ALG5: variants seen among roughly 807,000 people sequenced by gnomAD.
ALG5 encodes ALG5 dolichyl-phosphate beta-glucosyltransferase, also known as dolichyl-phosphate beta-glucosyltransferase.
In ALG5, 26 loss-of-function variants were observed where a neutral mutation model predicts 51.8. The observed-to-expected ratio is 0.50, with a 90% confidence interval of 0.37 to 0.70. The LOEUF (loss-of-function observed/expected upper bound fraction) is 0.70, where lower values mean the gene tolerates loss of function less well. Ranked by LOEUF, ALG5 falls within the 30% of genes least tolerant of loss-of-function variation. The probability of loss-of-function intolerance (pLI) is 0.00; values close to 1 mark genes in which losing one functional copy is unlikely to be tolerated. For synonymous variants in ALG5, 141 were observed against 136.1 expected (o/e 1.04, Z -0.25); for missense variants, 311 against 399.3 (o/e 0.78, Z 1.88).
chr13:36,952,841 G>C (rs1407449456), intron 8 of ALG5: 1 of 269,058 alleles, frequency 3.7e-6, no homozygotes, highest in Non-Finnish European at 6.9e-6. Context: ...GAAACTCACA[G>C]AGGTAAAACT....
At chr13:36,966,666 T>C (rs771008211) in intron 7 of ALG5, among the ~76,000 whole-genome samples, 2 of 152,170 alleles carry the variant, frequency 1.3e-5, no homozygotes, top group Non-Finnish European at 2.9e-5. Flanking sequence ...TGTGCCACTA[T>C]ACCCAGCTTC....
chr13:36,978,483 G>A lies in ALG5; in HGVS notation c.562-6447C>T, dbSNP rs114617421. ...ATTACAGGCGTGAGCCACTGTGCCCGGTCCTCAGTACTTTTTAAGTTAAAT... is the reference window on the plus strand; with the variant it reads ...ATTACAGGCGTGAGCCACTGTGCCCAGTCCTCAGTACTTTTTAAGTTAAAT... On this transcript the variant is annotated intron_variant, in intron 6 of 9. Transcript: ENST00000239891. Among the ~76,000 whole-genome samples the A allele has an allele frequency of 4.3e-3, 655 of 151,970 alleles. 2 individuals carry two copies. Among genetic ancestry groups the A allele is most frequent in the African/African-American group, 0.015 (631 of 41,470 alleles).
intron 8 of ALG5, among the ~76,000 whole-genome samples, chr13:36,958,257 T>G (rs961020988): frequency 7.9e-5 from 12 of 152,134 alleles, no homozygotes; most frequent in African/African-American, 2.7e-4. Flanking sequence ...CTATGGAGAA[T>G]GTGGCTTCCT....
chr13:36,989,652 G>A (rs930008763), intron 4 of ALG5, 76 bp from the exon 5 acceptor site: 5 of 1,193,482 alleles, frequency 4.2e-6, no homozygotes, highest in Non-Finnish European at 6.1e-6. Flanking sequence ...TTCTTGCTTT[G>A]GCTCAAACAC....
At chr13:36,952,800 T>G (rs923080523) in intron 8 of ALG5, 10 of 390,626 alleles carry the variant, frequency 2.6e-5, no homozygotes, top group Non-Finnish European at 4.0e-5. Flanking sequence ...TAGAATATCA[T>G]TGCATAATAT....
intron 1 of ALG5, among the ~76,000 whole-genome samples, chr13:36,995,841 C>T (rs541832010): frequency 5.6e-4 from 85 of 152,116 alleles, no homozygotes; most frequent in Non-Finnish European, 7.6e-4. Context: ...TCTGTCTCTT[C>T]CCAGTCATCA....
chr13:36,994,192 C>T (rs2059038557), intron 3 of ALG5, among the ~76,000 whole-genome samples: 1 of 152,166 alleles, frequency 6.6e-6, no homozygotes, highest in African/African-American at 2.4e-5. Flanking sequence ...ATATTAAAGG[C>T]TCAATTCCTT....
intron 8 of ALG5, among the ~76,000 whole-genome samples, chr13:36,963,246 T>C (rs534393604): frequency 2.6e-5 from 4 of 152,234 alleles, no homozygotes; most frequent in Non-Finnish European, 4.4e-5. Context: ...GCCATCTTTT[T>C]ACTTTTTAAA....
rs778228464 is a variant in ALG5 at position 36,999,251 on chromosome 13, G to GCCGCCAGCGCCGCGCCGAGCA, written c.29_49dup (p.Val10_Ala16dup). 6.3e-7 allele frequency: 1 copy of GCCGCCAGCGCCGCGCCGAGCA among 1,580,112 alleles called. No homozygotes were observed. The highest frequency in any genetic ancestry group is 8.6e-7 in the Non-Finnish European group (1 of 1,166,166). Reference sequence around the variant, plus strand: ...TGTTCTCACCAGTACGAGGGCTGCGGCCGCCAGCGCCGCGCCGAGCACCGC... The same window carrying GCCGCCAGCGCCGCGCCGAGCA: ...TGTTCTCACCAGTACGAGGGCTGCGGCCGCCAGCGCCGCGCCGAGCACCGCCAGCGCCGCGCCGAGCACCGC... On this transcript the variant is annotated inframe_insertion, in exon 1 of 10. Transcript: ENST00000239891.
At chr13:36,976,767 T>A (rs1277886923) in intron 6 of ALG5, among the ~76,000 whole-genome samples, 1 of 151,832 alleles carries the variant, frequency 6.6e-6, no homozygotes, top group African/African-American at 2.4e-5. Flanking sequence ...AAAAATTGTG[T>A]TATATACTTT....
At chr13:36,958,611 T>C (rs1390276697) in intron 8 of ALG5, among the ~76,000 whole-genome samples, 1 of 152,056 alleles carries the variant, frequency 6.6e-6, no homozygotes, top group Non-Finnish European at 1.5e-5. Flanking sequence ...AGAGCGGTGG[T>C]CTCCCCAGCA....
chr13:36,994,290 T>C (rs537756480), intron 3 of ALG5, among the ~76,000 whole-genome samples: 7 of 152,202 alleles, frequency 4.6e-5, no homozygotes, highest in African/African-American at 7.2e-5. Flanking sequence ...TTCCCCTTTA[T>C]ACAAAAAATC....
intron 7 of ALG5, chr13:36,967,751 C>A (rs2058901820): frequency 5.4e-6 from 6 of 1,119,128 alleles, no homozygotes; most frequent in Non-Finnish European, 7.2e-6. Context: ...GCCTTCCATA[C>A]AAAATACTTC....
At chr13:36,952,044 C>A (rs747613430) in intron 9 of ALG5, among the ~76,000 whole-genome samples, 15 of 151,976 alleles carry the variant, frequency 9.9e-5, no homozygotes, top group African/African-American at 2.7e-4. Flanking sequence ...CCTCGGTCTC[C>A]GAAAGTGCTG....
At chr13:36,965,377 A>G (rs997600883) in intron 8 of ALG5, among the ~76,000 whole-genome samples, 198 bp downstream of exon 8, 1 of 152,144 alleles carries the variant, frequency 6.6e-6, no homozygotes, top group African/African-American at 2.4e-5. Context: ...ATAACTTTAT[A>G]CCATATTGTT....
At chr13:36,986,066 T>C (rs2059000475) in intron 5 of ALG5, among the ~76,000 whole-genome samples, 1 of 152,186 alleles carries the variant, frequency 6.6e-6, no homozygotes, top group African/African-American at 2.4e-5. Flanking sequence ...ATCATACATA[T>C]TATATGTTTA....
chr13:36,992,986 G>A (rs752541625), intron 4 of ALG5, among the ~76,000 whole-genome samples: 9 of 152,020 alleles, frequency 5.9e-5, no homozygotes, highest in Non-Finnish European at 1.2e-4. Flanking sequence ...ACAGGTCAAG[G>A]GCCACCAAAA....
intron 7 of ALG5, among the ~76,000 whole-genome samples, chr13:36,971,649 C>CAAAAAAAA (rs35424140): frequency 2.0e-5 from 1 of 50,682 alleles, no homozygotes; most frequent in Non-Finnish European, 3.3e-5. Flanking sequence ...ACTCCGTCTC[C>CAAAAAAAA]AAAAAAAAAA....
intron 5 of ALG5, among the ~76,000 whole-genome samples, chr13:36,986,662 C>T (rs1312688680): frequency 6.6e-6 from 1 of 152,084 alleles, no homozygotes; most frequent in East Asian, 1.9e-4. Context: ...TGACTCACAC[C>T]TACTACAATC....
Sources: allele counts gnomAD v4.1 joint callset (sites outside exome capture counted in the v4.1 genomes callset), GRCh38; gene constraint gnomAD v4.1.1; transcripts MANE v1.5; gene names NCBI Gene and HGNC (gene_info 2026-07-23, HGNC 2026-07-21).